The following PTPRK variants were observed in gnomAD, a reference collection of about 807,000 sequenced individuals.
The protein encoded by PTPRK is receptor-type tyrosine-protein phosphatase kappa.
Under a neutral mutation model 178.0 loss-of-function variants are expected in PTPRK, and 75 were observed. The ratio of observed to expected loss-of-function variants is 0.42; its 90% CI spans 0.35 to 0.51. PTPRK has a LOEUF of 0.51. Ranked by LOEUF, PTPRK falls within the 20% of genes least tolerant of loss-of-function variation. The probability of loss-of-function intolerance (pLI) is 0.02; values close to 1 mark genes in which losing one functional copy is unlikely to be tolerated. For synonymous variants in PTPRK, 637 were observed against 620.6 expected (o/e 1.03, Z -0.39); for missense variants, 1,441 against 1,797.8 (o/e 0.80, Z 3.59).
chr6:128,164,963 C>A (rs559127122), intron 7 of PTPRK, among the ~76,000 whole-genome samples: 1 of 151,368 alleles, frequency 6.6e-6, no homozygotes, highest in African/African-American at 2.4e-5. Context: ...ACAAAGACCT[C>A]ATTGACTAAA....
At chr6:127,987,057 A>G (rs1562386562) in intron 21 of PTPRK, among the ~76,000 whole-genome samples, 2 of 152,086 alleles carry the variant, frequency 1.3e-5, no homozygotes, top group African/African-American at 4.8e-5. Context: ...GCCTGATTTT[A>G]GGTAATACTT....
At chr6:127,973,227 T>C (rs1245774813) in intron 28 of PTPRK, 70 bp from the exon 29 acceptor site, 4 of 1,581,852 alleles carry the variant, frequency 2.5e-6, no homozygotes, top group African/African-American at 2.7e-5. Flanking sequence ...CCATCATATA[T>C]GTTTGGGAAA....
At chr6:128,424,394 G>A (rs1199113607) in intron 1 of PTPRK, among the ~76,000 whole-genome samples, 3 of 152,210 alleles carry the variant, frequency 2.0e-5, no homozygotes, top group Non-Finnish European at 4.4e-5. Context: ...GATGAAGGCT[G>A]AAGCCCACAT....
chr6:128,508,446 GA>G (rs1274474704), intron 1 of PTPRK, among the ~76,000 whole-genome samples: 1 of 151,932 alleles, frequency 6.6e-6, no homozygotes, highest in Non-Finnish European at 1.5e-5. Flanking sequence ...TTTTTAAAAG[GA>G]AAAAAGTATA....
intron 3 of PTPRK, among the ~76,000 whole-genome samples, chr6:128,260,547 T>G (rs547165365): frequency 6.6e-6 from 1 of 152,312 alleles, no homozygotes; most frequent in East Asian, 1.9e-4. Context: ...AAGGCTGGGA[T>G]GGAGATTACC....
At chr6:128,375,947 A>G (rs944667951) in intron 2 of PTPRK, among the ~76,000 whole-genome samples, 1 of 152,174 alleles carries the variant, frequency 6.6e-6, no homozygotes, top group Non-Finnish European at 1.5e-5. Flanking sequence ...GATGCAAGAG[A>G]TGGGTTCCCA....
chr6:128,019,032 G>A (rs947813435), intron 13 of PTPRK, among the ~76,000 whole-genome samples: 1 of 152,082 alleles, frequency 6.6e-6, no homozygotes, highest in Non-Finnish European at 1.5e-5. Flanking sequence ...ACATACCATG[G>A]CTACTGGTAT....
At chr6:128,204,766 A>C (rs1174118371) in intron 6 of PTPRK, among the ~76,000 whole-genome samples, 1 of 152,182 alleles carries the variant, frequency 6.6e-6, no homozygotes, top group Non-Finnish European at 1.5e-5. Context: ...AGTCAAAAAC[A>C]ACAGATGCTG....
chr6:128,268,761 C>T (rs948871765), intron 3 of PTPRK, among the ~76,000 whole-genome samples: 1 of 151,940 alleles, frequency 6.6e-6, no homozygotes, highest in African/African-American at 2.4e-5. Flanking sequence ...TACTACGTCC[C>T]CTTTAAATAT....
intron 1 of PTPRK, among the ~76,000 whole-genome samples, chr6:128,416,497 A>T (rs76518388): frequency 1.3e-5 from 2 of 151,656 alleles, no homozygotes; most frequent in Admixed American, 1.3e-4. Context: ...AAAAAAAAAA[A>T]TTAGCCGGGT....
intron 14 of PTPRK, among the ~76,000 whole-genome samples, chr6:128,006,753 C>T (rs1046305410): frequency 4.6e-5 from 7 of 150,876 alleles, no homozygotes; most frequent in African/African-American, 7.3e-5. Flanking sequence ...AAATGGCATA[C>T]ATTTGGAAAT....
chr6:128,244,950 T>C (rs1335115268), intron 3 of PTPRK, among the ~76,000 whole-genome samples: 1 of 152,138 alleles, frequency 6.6e-6, no homozygotes, highest in Non-Finnish European at 1.5e-5. Flanking sequence ...TCTTAGGTAT[T>C]TGGTAAACTC....
intron 3 of PTPRK, among the ~76,000 whole-genome samples, chr6:128,254,202 TAGAACGCCTG>T (rs1816921219): frequency 6.6e-6 from 1 of 152,150 alleles, no homozygotes; most frequent in Non-Finnish European, 1.5e-5. Flanking sequence ...AATTTAGGGA[TAGAACGCCTG>T]TGAACTTTTA....
chr6:128,400,169 G>C (rs184729602), intron 1 of PTPRK, among the ~76,000 whole-genome samples: 1 of 152,186 alleles, frequency 6.6e-6, no homozygotes, highest in African/African-American at 2.4e-5. Flanking sequence ...TGTTATGCGG[G>C]ATAATAATAT....
At chr6:128,397,415 AG>A in intron 2 of PTPRK, 150 bp downstream of exon 2, 1 of 794,898 alleles carries the variant, frequency 1.3e-6, no homozygotes. Context: ...ATTAAGGGAA[AG>A]GCAAAGAATA....
chr6:128,080,966 A>G (rs1291106571), intron 10 of PTPRK, among the ~76,000 whole-genome samples: 1 of 152,006 alleles, frequency 6.6e-6, no homozygotes, highest in Non-Finnish European at 1.5e-5. Flanking sequence ...GGTCTTTTTT[A>G]TAAACTTTAT....
At chr6:127,988,551 C>G (rs974833993) in intron 21 of PTPRK, among the ~76,000 whole-genome samples, 8 of 137,822 alleles carry the variant, frequency 5.8e-5, no homozygotes, top group Non-Finnish European at 1.0e-4. Flanking sequence ...TTTCTTCTAC[C>G]ATCTATTCAT....
Position 128,312,755 on chromosome 6 carries a change from A to AT in PTPRK, c.495+9283dup, listed in dbSNP as rs967949656. 1.1e-3 allele frequency among the ~76,000 whole-genome samples: 160 copies of AT among 145,264 alleles called. 1 individual carries two copies. The highest frequency in any genetic ancestry group is 2.6e-3 in the Admixed American group (37 of 14,498). On this transcript the variant is annotated intron_variant, in intron 3 of 29. Transcript: ENST00000368226. ...TAAGGAAAAGTATAAAATTGTTTTC[A>AT]TTTTTTTTTTTTGCTGGTTTTGTCC...
intron 1 of PTPRK, among the ~76,000 whole-genome samples, chr6:128,504,876 C>A (rs569476546): frequency 6.6e-6 from 1 of 152,174 alleles, no homozygotes; most frequent in African/African-American, 2.4e-5. Context: ...GATTCAGTAT[C>A]CTTTAGGTAT....
Sources: allele counts gnomAD v4.1 joint callset (sites outside exome capture counted in the v4.1 genomes callset), GRCh38; gene constraint gnomAD v4.1.1; transcripts MANE v1.5; gene names NCBI Gene and HGNC (gene_info 2026-07-23, HGNC 2026-07-21).